Variants in GSE1 observed in about 807,000 individuals in gnomAD.
The protein encoded by GSE1 is genetic suppressor element 1.
In GSE1, 32 loss-of-function variants were observed where a neutral mutation model predicts 112.6. That is an observed-to-expected ratio of 0.28 (90% CI 0.21 to 0.38). GSE1 has a LOEUF of 0.38. Ranked by LOEUF, GSE1 falls within the 10% of genes least tolerant of loss-of-function variation. GSE1 has a pLI of 1.00. For missense variants in GSE1, 2,348 were observed against 1,699.2 expected, an observed-to-expected ratio of 1.38 and a Z score of -6.71; for synonymous variants, 1,115 against 735.6, an observed-to-expected ratio of 1.52 and a Z score of -8.35.
chr16:85,646,753 C>G (rs2050900667), intron 2 of GSE1, among the ~76,000 whole-genome samples: 1 of 152,134 alleles, frequency 6.6e-6, no homozygotes, highest in Non-Finnish European at 1.5e-5. Flanking sequence ...CGTGCACCCC[C>G]TGGGCTTCGT....
intron 1 of GSE1, among the ~76,000 whole-genome samples, chr16:85,590,057 TTATGAATG>T (rs1319599118): frequency 6.6e-6 from 1 of 151,782 alleles, no homozygotes; most frequent in Admixed American, 6.6e-5. Context: ...AACTGTGTGT[TTATGAATG>T]TATCTGATTG....
intron 1 of GSE1, among the ~76,000 whole-genome samples, chr16:85,615,178 G>GGC (rs2048295002): frequency 6.6e-6 from 1 of 152,222 alleles, no homozygotes; most frequent in Admixed American, 6.5e-5. Context: ...CAGAACCTGA[G>GGC]GCACAGGCTG....
At chr16:85,470,005 C>T (rs577771238) in intron 2 of GSE1, among the ~76,000 whole-genome samples, 131 of 152,376 alleles carry the variant, frequency 8.6e-4, no homozygotes, top group African/African-American at 3.0e-3. Context: ...CCACTCACCC[C>T]AGGCCCTCAG....
At chr16:85,175,401 G>A (rs549491246) in intron 1 of GSE1, among the ~76,000 whole-genome samples, 5 of 152,294 alleles carry the variant, frequency 3.3e-5, no homozygotes, top group African/African-American at 4.8e-5. Flanking sequence ...GAAGGACCCC[G>A]GGCTTGCCTT....
At chr16:85,618,753 G>A (rs549566251) in intron 1 of GSE1, among the ~76,000 whole-genome samples, 1 of 152,270 alleles carries the variant, frequency 6.6e-6, no homozygotes, top group Non-Finnish European at 1.5e-5. Flanking sequence ...AAACTCCTGC[G>A]CTCAAGTGAT....
At chr16:85,232,208 G>A (rs1904293930) in intron 1 of GSE1, among the ~76,000 whole-genome samples, 1 of 152,200 alleles carries the variant, frequency 6.6e-6, no homozygotes, top group African/African-American at 2.4e-5. Flanking sequence ...CTCCTTCCTT[G>A]GGAGCTGCCT....
chr16:85,195,544 C>G (rs540790447), intron 1 of GSE1, among the ~76,000 whole-genome samples: 16 of 152,316 alleles, frequency 1.1e-4, no homozygotes, highest in African/African-American at 3.6e-4. Context: ...GAGTATTGCT[C>G]TATGCCACAT....
At position 85,656,599 on chromosome 16, in the gene GSE1, G is replaced by C. The variant is rs2051976478; in HGVS notation, c.1246G>C (p.Gly416Arg). 2.6e-6 allele frequency: 4 copies of C among 1,546,390 alleles called. No homozygotes were observed. The highest frequency in any genetic ancestry group is 2.6e-6 in the Non-Finnish European group (3 of 1,145,322). Reference protein sequence around the residue: ...PSFLPVAELHGLRGHATEERG... With the variant: ...PSFLPVAELHRLRGHATEERG... The stretch of plus-strand genomic sequence containing the variant: ...CTTCCTGCCCGTGGCCGAGCTGCAT[G>C]GGCTGCGTGGCCATGCCACTGAGGA... Residue 416 changes from glycine (G) to arginine (R), a missense_variant, in exon 7 of 16, where the codon GGG (glycine) becomes CGG (arginine). Gly to Arg is a moderately radical substitution (Grantham distance 125). Transcript: ENST00000253458.
At chr16:85,236,548 C>T (rs1479131209) in intron 1 of GSE1, among the ~76,000 whole-genome samples, 1 of 152,046 alleles carries the variant, frequency 6.6e-6, no homozygotes, top group Non-Finnish European at 1.5e-5. Flanking sequence ...TTCCGTGTGT[C>T]TCATGGTGTG....
In GSE1 at chr16:85,395,430, G is replaced by A. The variant is rs757746150; in HGVS notation, c.2464+37787G>A. On this transcript the variant is annotated intron_variant, in intron 2 of 2. Coordinates refer to the GSE1 transcript ENST00000637419. The stretch of plus-strand genomic sequence containing the variant: ...TTCACAGGTGGGCACACCAAGGCCC[G>A]ACAATGGGTCCAGGCTGCCAAGGGT... Among the ~76,000 whole-genome samples the A allele has an allele frequency of 5.5e-4, 83 of 152,258 alleles. No individual in the cohort carries two copies. The Middle Eastern group carries it at 0.014, about 25-fold the overall frequency.
At chr16:85,610,987 C>G (rs2047945729), upstream of GSE1, among the ~76,000 whole-genome samples, 1 of 152,242 alleles carries the variant, frequency 6.6e-6, no homozygotes, top group South Asian at 2.1e-4. Context: ...TGGTCCTGCT[C>G]AAACAGGTGG....
In GSE1 at chr16:85,656,285, C is replaced by A. The variant is rs1484029889; in HGVS notation, c.990-58C>A. The A allele has an allele frequency of 1.3e-5, 20 of 1,591,062 alleles. No individual in the cohort carries two copies. The East Asian group carries it at 4.5e-4, about 36-fold the overall frequency. On this transcript the variant is annotated intron_variant, in intron 6 of 15. Coordinates refer to ENST00000253458, the MANE Select transcript of GSE1 (RefSeq NM_014615.5). ...GGTTATGCTTTTTAAGGGCCTGCCC[C>A]AGGTCCGTCTCTTGTTCCTGGTGCA...
chr16:85,397,201 C>T (rs1384144580), intron 2 of GSE1, among the ~76,000 whole-genome samples: 2 of 152,204 alleles, frequency 1.3e-5, no homozygotes, highest in African/African-American at 2.4e-5. Flanking sequence ...CTCCTCTCAG[C>T]CCCCTGGCAA....
chr16:85,556,070 T>C (rs2045194975), exon 1 of GSE1: 1 of 984,398 alleles, frequency 1.0e-6, no homozygotes, highest in Non-Finnish European at 1.2e-6. Flanking sequence ...TCATTGTGGA[T>C]CTGCCAGGGC....
intron 2 of GSE1, among the ~76,000 whole-genome samples, chr16:85,411,138 C>T (rs1846766993): frequency 5.1e-5 from 6 of 116,930 alleles, no homozygotes; most frequent in Non-Finnish European, 5.0e-5. Context: ...CACCGTTACA[C>T]TCAGGGCCCC....
intron 1 of GSE1, among the ~76,000 whole-genome samples, chr16:85,601,355 C>G (rs1264661418): frequency 6.6e-6 from 1 of 152,042 alleles, no homozygotes; most frequent in Non-Finnish European, 1.5e-5. Context: ...CCACGGCAGT[C>G]AGGGAACGTG....
chr16:85,649,560 G>T (rs1160830031), intron 3 of GSE1, among the ~76,000 whole-genome samples: 1 of 152,190 alleles, frequency 6.6e-6, no homozygotes, highest in Non-Finnish European at 1.5e-5. Context: ...TGTGGAAGGA[G>T]CTGGCACTGG....
rs571272506 is a variant in GSE1 at position 85,445,446 on chromosome 16, G to A, written c.2464+87803G>A. Among the ~76,000 whole-genome samples, 7 of 152,350 alleles carry A rather than the reference G, an allele frequency of 4.6e-5. No individual in the cohort carries two copies. The South Asian group carries it at 1.4e-3, about 32-fold the overall frequency. On this transcript the variant is annotated intron_variant, in intron 2 of 2. Transcript: ENST00000637419. Reference sequence around the variant, plus strand: ...TGGCGGCCACGCACAGCGAGGGGGGGCGGCCAGTCCCCAGACCCCTCACAG... The same window carrying A: ...TGGCGGCCACGCACAGCGAGGGGGGACGGCCAGTCCCCAGACCCCTCACAG...
chr16:85,616,218 A>G (rs952279324), intron 1 of GSE1, among the ~76,000 whole-genome samples: 1 of 152,230 alleles, frequency 6.6e-6, no homozygotes, highest in African/African-American at 2.4e-5. Flanking sequence ...CCCCTGGAGC[A>G]GGTACTGTCT....
Sources: gnomAD v4.1 joint callset for allele counts (sites outside exome capture counted in the v4.1 genomes callset) on GRCh38, gnomAD v4.1.1 for gene constraint, MANE v1.5 for transcripts, NCBI Gene and HGNC (gene_info 2026-07-23, HGNC 2026-07-21) for gene names.